Variants in ARF3 observed in about 807,000 individuals in gnomAD.
The protein encoded by ARF3 is ADP-ribosylation factor 3.
In ARF3, 5 loss-of-function variants were observed where a neutral mutation model predicts 19.3. That is an observed-to-expected ratio of 0.26 (90% CI 0.14 to 0.54). The LOEUF is 0.54. Ranked by LOEUF, ARF3 falls within the 20% of genes least tolerant of loss-of-function variation. The probability of loss-of-function intolerance (pLI) is 0.95; values close to 1 mark genes in which losing one functional copy is unlikely to be tolerated. For missense variants in ARF3, 77 were observed against 234.2 expected (o/e 0.33, Z 4.38); for synonymous variants, 71 against 89.2 (o/e 0.80, Z 1.15).
chr12:48,943,406 C>A (rs1940300176), intron 1 of ARF3, among the ~76,000 whole-genome samples: 1 of 152,176 alleles, frequency 6.6e-6, no homozygotes, highest in Non-Finnish European at 1.5e-5. Context: ...ATTCAGCAAT[C>A]ACCATATGCC....
At chr12:48,943,906 T>C (rs1940310431) in intron 1 of ARF3, among the ~76,000 whole-genome samples, 1 of 152,108 alleles carries the variant, frequency 6.6e-6, no homozygotes, top group African/African-American at 2.4e-5. Context: ...CTAGCCTTCC[T>C]CCCTACTCTT....
rs1940181814 is a variant in ARF3, at chr12:48,938,149, TG to T, written c.*797del. 3.0e-6 allele frequency: 1 copy of T among 335,976 alleles called. No homozygotes were observed. The highest frequency in any genetic ancestry group is 5.9e-6 in the Non-Finnish European group (1 of 168,312). The allele number at this position is 335,976 out of a possible 1,614,324, so 20.8% of individuals were successfully genotyped here. A position where few individuals can be genotyped will look rare whatever the true frequency, so the allele number is the denominator to read the frequency against. On this transcript the variant is annotated 3_prime_UTR_variant, in exon 5 of 5. Coordinates refer to ENST00000256682, the MANE Select transcript of ARF3 (RefSeq NM_001659.3). ...AAGGCAGAGCAGAGTGGCATCTCCT[TG>T]GGAACAGTCATCTAGAGATAAATGC... is the stretch of plus-strand genomic sequence containing the variant.
intron 1 of ARF3, among the ~76,000 whole-genome samples, chr12:48,946,084 C>T (rs1052108927): frequency 6.6e-5 from 10 of 152,144 alleles, no homozygotes; most frequent in Admixed American, 2.0e-4. Context: ...ATTACAGGCA[C>T]GACCCACCAC....
intron 1 of ARF3, among the ~76,000 whole-genome samples, chr12:48,942,224 T>C (rs990950853): frequency 1.3e-5 from 2 of 151,472 alleles, no homozygotes; most frequent in African/African-American, 4.9e-5. Flanking sequence ...TCCCCAACAC[T>C]TTCCTTTCCT....
chr12:48,947,599 C>T (rs1041967469), intron 1 of ARF3, among the ~76,000 whole-genome samples: 11 of 152,136 alleles, frequency 7.2e-5, no homozygotes, highest in Non-Finnish European at 1.6e-4. Flanking sequence ...GGCCACCGTG[C>T]CTGGCCTCAT....
chr12:48,950,488 GCTT>G (rs766955083), intron 1 of ARF3, among the ~76,000 whole-genome samples: 21 of 152,200 alleles, frequency 1.4e-4, no homozygotes, highest in African/African-American at 2.7e-4. Context: ...TACCCGACTG[GCTT>G]CTTTTTTTTT....
chr12:48,950,243 TGGAGTGCAGTGGC>T, intron 1 of ARF3, among the ~76,000 whole-genome samples: 1 of 151,796 alleles, frequency 6.6e-6, no homozygotes, highest in Middle Eastern at 3.2e-3. Flanking sequence ...TCACCCAAGC[TGGAGTGCAGTGGC>T]GTGATAGTGG....
chr12:48,951,264 A>G, intron 1 of ARF3, among the ~76,000 whole-genome samples: 1 of 152,244 alleles, frequency 6.6e-6, no homozygotes, highest in East Asian at 1.9e-4. Flanking sequence ...ACATTTCAAC[A>G]TTTAAAGTAG....
At chr12:48,955,081 TTCC>T (rs1219363178) in intron 1 of ARF3, among the ~76,000 whole-genome samples, 1 of 152,174 alleles carries the variant, frequency 6.6e-6, no homozygotes, top group Non-Finnish European at 1.5e-5. Context: ...TTTAAAGAAG[TTCC>T]TCCTTCTAAC....
At chr12:48,945,140 T>TAA (rs36072910) in intron 1 of ARF3, among the ~76,000 whole-genome samples, 5 of 92,272 alleles carry the variant, frequency 5.4e-5, no homozygotes, top group Non-Finnish European at 8.2e-5. Context: ...GACTCTGTCT[T>TAA]AAAAAAAAAA....
At chr12:48,955,401 C>T (rs1377271615) in intron 1 of ARF3, among the ~76,000 whole-genome samples, 1 of 152,184 alleles carries the variant, frequency 6.6e-6, no homozygotes, top group Non-Finnish European at 1.5e-5. Flanking sequence ...GACCCCTTTG[C>T]CCACAATGGG....
chr12:48,945,133 T>G (rs1266200593), intron 1 of ARF3, among the ~76,000 whole-genome samples: 6 of 95,672 alleles, frequency 6.3e-5, no homozygotes, highest in African/African-American at 2.4e-4. Flanking sequence ...AGAGGAAGAC[T>G]CTGTCTTAAA....
Position 48,935,805 on chromosome 12 carries a change from C to T in ARF3, c.*3142G>A, listed in dbSNP as rs1400275879. 2.0e-5 allele frequency: 3 copies of T among 152,246 alleles called. No individual in the cohort carries two copies. Among genetic ancestry groups the T allele is most frequent in the African/African-American group, 7.2e-5 (3 of 41,458 alleles). The allele number at this position is 152,246 out of a possible 1,614,324, so 9.4% of individuals were successfully genotyped here. On this transcript the variant is annotated 3_prime_UTR_variant, in exon 5 of 5. Transcript: ENST00000256682. The stretch of plus-strand genomic sequence containing the variant: ...GTCTCTGTTCAAACTAGAAGCACCT[C>T]ATGTGCAAGGCTGAGGAGATCTGAG...
Position 48,939,514 on chromosome 12 carries a change from A to G in ARF3, c.384+141T>C, listed in dbSNP as rs1592238485. On this transcript the variant is annotated intron_variant, in intron 4 of 4. Coordinates refer to ENST00000256682, the MANE Select transcript of ARF3 (RefSeq NM_001659.3). The surrounding 1 kb of genome is among the most constrained non-coding windows in gnomAD (Gnocchi z 4.8). ...GGGTGGGGCACAAGAAGAGGGGCAT[A>G]AAGAAGCCAAGTGCTCAGTTTCCCA... is the stretch of plus-strand genomic sequence containing the variant. 1 of 1,168,962 alleles carries G rather than the reference A, an allele frequency of 8.6e-7. No individual in the cohort carries two copies. Among genetic ancestry groups the G allele is most frequent in the East Asian group, 2.4e-5 (1 of 41,236 alleles). 72.4% of individuals were successfully genotyped at this position (1,168,962 alleles called of 1,614,324 possible).
At position 48,939,257 on chromosome 12, in the gene ARF3, G is replaced by C; in HGVS notation, c.385-149C>G. 1 of 954,844 alleles carries C rather than the reference G, an allele frequency of 1.0e-6. No homozygotes were observed. Among genetic ancestry groups the C allele is most frequent in the East Asian group, 2.6e-5 (1 of 37,888 alleles). The allele number at this position is 954,844 out of a possible 1,614,324, so 59.1% of individuals were successfully genotyped here. On this transcript the variant is annotated intron_variant, in intron 4 of 4. Coordinates refer to ENST00000256682, the MANE Select transcript of ARF3 (RefSeq NM_001659.3). This position sits in a 1 kb window ranked among gnomAD's most constrained non-coding sequence, Gnocchi z 4.8. Reference sequence around the variant, plus strand: ...AACAAGATCCTAAGGAGCTACTTTGGATTTAGTCACCTAGAACTCAAGATC... The same window carrying C: ...AACAAGATCCTAAGGAGCTACTTTGCATTTAGTCACCTAGAACTCAAGATC...
chr12:48,945,199 C>T (rs1188483973), intron 1 of ARF3, among the ~76,000 whole-genome samples: 1 of 147,876 alleles, frequency 6.8e-6, no homozygotes, highest in African/African-American at 2.5e-5. Context: ...AATCCCAGCA[C>T]TTTGGGAGGC....
chr12:48,954,429 G>A (rs1382955585), intron 1 of ARF3, among the ~76,000 whole-genome samples: 1 of 152,178 alleles, frequency 6.6e-6, no homozygotes, highest in Non-Finnish European at 1.5e-5. Flanking sequence ...TATGATAATG[G>A]ATTATTAATA....
At chr12:48,952,154 A>T (rs1456646701) in intron 1 of ARF3, among the ~76,000 whole-genome samples, 1 of 152,170 alleles carries the variant, frequency 6.6e-6, no homozygotes, top group African/African-American at 2.4e-5. Context: ...CCAGCTTCCC[A>T]TCTAGGCAAA....
At chr12:48,951,327 A>T (rs1361349044) in intron 1 of ARF3, among the ~76,000 whole-genome samples, 1 of 151,858 alleles carries the variant, frequency 6.6e-6, no homozygotes. Context: ...TTGGGAGGCC[A>T]AGGTGGGCGG....
Sources: allele counts gnomAD v4.1 joint callset (sites outside exome capture counted in the v4.1 genomes callset), GRCh38; gene constraint gnomAD v4.1.1; non-coding constraint Gnocchi (gnomAD v3.1); transcripts MANE v1.5; gene names NCBI Gene and HGNC (gene_info 2026-07-23, HGNC 2026-07-21).